Variants in GALNT13 observed in about 807,000 individuals in gnomAD.
GALNT13 encodes polypeptide N-acetylgalactosaminyltransferase 13, also known as UDP-GalNAc:polypeptide N-acetylgalactosaminyltransferase 13.
GALNT13 carries 28 observed loss-of-function variants against 64.2 expected under a neutral mutation model. That is an observed-to-expected ratio of 0.44 (90% CI 0.32 to 0.60). GALNT13 has a LOEUF of 0.60. Among genes scored for constraint, GALNT13 ranks in the 20% least tolerant of loss-of-function variants. GALNT13 has a pLI of 0.05. For missense variants in GALNT13, 577 were observed against 669.8 expected (o/e 0.86, Z 1.53); for synonymous variants, 214 against 224.6 (o/e 0.95, Z 0.42).
chr2:154,290,993 G>A (rs1692587502), intron 8 of GALNT13, among the ~76,000 whole-genome samples: 2 of 152,070 alleles, frequency 1.3e-5, no homozygotes, highest in South Asian at 2.1e-4. Context: ...CCTTCTCGGT[G>A]AGCGTTACAG....
At position 154,037,868 on chromosome 2, in the gene GALNT13, A is replaced by G. The variant is rs541146342; in HGVS notation, c.142+93229A>G. 5.3e-5 allele frequency among the ~76,000 whole-genome samples: 8 copies of G among 152,282 alleles called. No individual in the cohort carries two copies. The East Asian group carries it at 1.5e-3, about 29-fold the overall frequency. On this transcript the variant is annotated intron_variant, in intron 3 of 12. Coordinates refer to ENST00000392825, the MANE Select transcript of GALNT13 (RefSeq NM_052917.4). The stretch of plus-strand genomic sequence containing the variant: ...TGAAAGAGGACATAAAAATATTGTA[A>G]GATGACTAGGCACAGTGGCTCATGC...
At chr2:154,228,061 G>T (rs755325147) in intron 4 of GALNT13, among the ~76,000 whole-genome samples, 53 of 151,984 alleles carry the variant, frequency 3.5e-4, no homozygotes, top group Non-Finnish European at 7.2e-4. Context: ...GCTGGCTGAA[G>T]ATTCATTTGA....
chr2:154,345,795 A>G (rs149942901), intron 9 of GALNT13, among the ~76,000 whole-genome samples: 112 of 152,182 alleles, frequency 7.4e-4, no homozygotes, highest in Non-Finnish European at 1.3e-3. Flanking sequence ...TCTATTGTAA[A>G]GACTTTCAGG....
At chr2:154,433,269 T>G (rs1700787532) in intron 11 of GALNT13, among the ~76,000 whole-genome samples, 1 of 152,104 alleles carries the variant, frequency 6.6e-6, no homozygotes, top group Non-Finnish European at 1.5e-5. Context: ...TTAGCCTGCC[T>G]CCCAGAGTTT....
intron 3 of GALNT13, among the ~76,000 whole-genome samples, chr2:154,076,062 G>T (rs1700972416): frequency 6.6e-6 from 1 of 151,578 alleles, no homozygotes; most frequent in South Asian, 2.1e-4. Flanking sequence ...TTTTGTTGTT[G>T]CTCACATTAC....
chr2:153,178,732 C>CTTT, the GALNT13 span, among the ~76,000 whole-genome samples: 706 of 98,300 alleles, frequency 7.2e-3, 1 homozygote, highest in Non-Finnish European at 0.01. Flanking sequence ...TTCTCTTCTT[C>CTTT]TTTTTTTTTT....
At chr2:154,279,201 G>C (rs1192055411) in intron 8 of GALNT13, among the ~76,000 whole-genome samples, 1 of 151,970 alleles carries the variant, frequency 6.6e-6, no homozygotes, top group East Asian at 1.9e-4. Context: ...ATAGTTGAAG[G>C]TTCTGAGCCT....
the GALNT13 span, among the ~76,000 whole-genome samples, chr2:153,585,492 G>A: frequency 6.6e-6 from 1 of 152,056 alleles, no homozygotes; most frequent in African/African-American, 2.4e-5. Context: ...AGGTTAAAAG[G>A]TTTAGAAAAC....
At chr2:154,231,788 A>G (rs754893992) in intron 4 of GALNT13, among the ~76,000 whole-genome samples, 4 of 141,362 alleles carry the variant, frequency 2.8e-5, no homozygotes, top group Non-Finnish European at 6.2e-5. Context: ...AAAAACTGTG[A>G]TTACTTTTGC....
In GALNT13 at chr2:154,110,378, CAGAG is replaced by C. The variant is rs1293098530; in HGVS notation, c.143-29939_143-29936del. 9.4e-3 allele frequency among the ~76,000 whole-genome samples: 471 copies of C among 50,060 alleles called. 20 individuals are homozygous for C. The highest frequency in any genetic ancestry group is 0.036 in the African/African-American group (449 of 12,322). 32.8% of individuals were successfully genotyped at this position (50,060 alleles called of 152,430 possible). A position where few individuals can be genotyped will look rare whatever the true frequency, so the allele number is the denominator to read the frequency against. ...AGAGAGAGAGAGAGAGAGAGAGAGA[CAGAG>C]AGAGAGAGAGAGAGAGAGACAGAGA... On this transcript the variant is annotated intron_variant, in intron 3 of 12. Coordinates refer to ENST00000392825, the MANE Select transcript of GALNT13 (RefSeq NM_052917.4).
At chr2:153,073,157 T>A in the GALNT13 span, among the ~76,000 whole-genome samples, 1 of 152,178 alleles carries the variant, frequency 6.6e-6, no homozygotes, top group Non-Finnish European at 1.5e-5. Context: ...AGAACTGTTA[T>A]TTAATAAGGT....
At chr2:153,863,741 A>T in the GALNT13 span, among the ~76,000 whole-genome samples, 2 of 152,178 alleles carry the variant, frequency 1.3e-5, no homozygotes, top group Non-Finnish European at 2.9e-5. Context: ...TAATATATAT[A>T]TTTAACGAAA....
chr2:153,086,358 T>G, the GALNT13 span, among the ~76,000 whole-genome samples: 1 of 152,062 alleles, frequency 6.6e-6, no homozygotes, highest in East Asian at 1.9e-4. Flanking sequence ...AATGATATGG[T>G]TTGGCTATGT....
the GALNT13 span, among the ~76,000 whole-genome samples, chr2:153,464,441 CATAT>C: frequency 3.1e-3 from 473 of 152,200 alleles, no homozygotes; most frequent in African/African-American, 0.011. Flanking sequence ...CATTGCAAAG[CATAT>C]GCTACTTTGT....
chr2:153,132,396 G>A, the GALNT13 span, among the ~76,000 whole-genome samples: 2 of 152,088 alleles, frequency 1.3e-5, no homozygotes, highest in East Asian at 3.9e-4. Flanking sequence ...AAAATGTTTT[G>A]TGATTTAAAG....
the GALNT13 span, among the ~76,000 whole-genome samples, chr2:153,633,082 A>G: frequency 1.3e-5 from 2 of 152,104 alleles, no homozygotes; most frequent in African/African-American, 4.8e-5. Flanking sequence ...TATATTAATA[A>G]ATAATATTTC....
At chr2:153,744,625 G>A in the GALNT13 span, among the ~76,000 whole-genome samples, 1 of 152,048 alleles carries the variant, frequency 6.6e-6, no homozygotes, top group Non-Finnish European at 1.5e-5. Context: ...CATTGTCAAG[G>A]ATGGGAAATT....
chr2:153,652,552 T>G, the GALNT13 span, among the ~76,000 whole-genome samples: 1 of 151,952 alleles, frequency 6.6e-6, no homozygotes, highest in Non-Finnish European at 1.5e-5. Context: ...GAGGCGGAGG[T>G]TGCAGTGAGC....
chr2:153,450,790 C>T, the GALNT13 span, among the ~76,000 whole-genome samples: 19 of 152,202 alleles, frequency 1.2e-4, no homozygotes, highest in Middle Eastern at 3.4e-3. Context: ...TTGCAATTGA[C>T]CAAAAGAAAC....
Sources: allele counts gnomAD v4.1 joint callset (sites outside exome capture counted in the v4.1 genomes callset), GRCh38; gene constraint gnomAD v4.1.1; transcripts MANE v1.5; gene names NCBI Gene and HGNC (gene_info 2026-07-23, HGNC 2026-07-21).